Variants in CTNNA2 observed in about 807,000 individuals in gnomAD.
CTNNA2 encodes the protein catenin alpha 2.
CTNNA2 carries 42 observed loss-of-function variants against 101.0 expected under a neutral mutation model. The observed-to-expected ratio is 0.42, with a 90% confidence interval of 0.32 to 0.54. The LOEUF (loss-of-function observed/expected upper bound fraction) is 0.54. Among genes scored for constraint, CTNNA2 ranks in the 20% least tolerant of loss-of-function variants. The pLI is 0.14. For synonymous variants in CTNNA2, 450 were observed against 456.4 expected, an observed-to-expected ratio of 0.99 and a Z score of 0.18; for missense variants, 871 against 1,223.1, an observed-to-expected ratio of 0.71 and a Z score of 4.29.
At chr2:79,459,743 C>A (rs182447230) in intron 4 of CTNNA2, among the ~76,000 whole-genome samples, 3 of 152,084 alleles carry the variant, frequency 2.0e-5, no homozygotes, top group Non-Finnish European at 4.4e-5. Context: ...AGCATTGGTC[C>A]TTTTGATCAC....
chr2:79,811,117 T>C (rs537461020), intron 3 of CTNNA2, among the ~76,000 whole-genome samples: 8 of 151,602 alleles, frequency 5.3e-5, no homozygotes, highest in African/African-American at 1.9e-4. Flanking sequence ...ACTTCCACAA[T>C]GGTTGAACTA....
At chr2:80,542,821 A>C (rs78256155) in intron 9 of CTNNA2, among the ~76,000 whole-genome samples, 9,291 of 152,214 alleles carry the variant, frequency 0.061, 404 homozygotes, top group East Asian at 0.2. Flanking sequence ...GAATATTAAA[A>C]GGTAGAACTT....
intron 9 of CTNNA2, among the ~76,000 whole-genome samples, chr2:80,512,452 A>G (rs1031206993): frequency 2.0e-5 from 3 of 152,100 alleles, no homozygotes; most frequent in African/African-American, 7.2e-5. Context: ...AAACGTTCAG[A>G]CTATGTTGCT....
rs113745404 is a variant in CTNNA2 at position 79,276,788 on chromosome 2, T to C, written c.-405-35921T>C. On this transcript the variant is annotated intron_variant, in intron 2 of 21. Transcript: ENST00000466387. ...TATTTTAAAAAAAATTGTCCCCTTG[T>C]ATTTATGGTCCACCTGTGTTTCCTT... Among the ~76,000 whole-genome samples the C allele has an allele frequency of 5.7e-3, 871 of 152,254 alleles. 5 individuals are homozygous for C. The highest frequency in any genetic ancestry group is 0.02 in the African/African-American group (827 of 41,576).
intron 7 of CTNNA2, among the ~76,000 whole-genome samples, chr2:80,156,025 G>A (rs551565822): frequency 5.9e-5 from 9 of 152,194 alleles, no homozygotes; most frequent in African/African-American, 2.2e-4. Flanking sequence ...TTCTGATTCA[G>A]TAGGTTGTAG....
chr2:79,252,653 CT>C (rs111758773), intron 2 of CTNNA2, among the ~76,000 whole-genome samples: 2,822 of 150,670 alleles, frequency 0.019, 73 homozygotes, highest in East Asian at 0.061. Context: ...TGGGCTATGC[CT>C]TTTTTTTTAT....
At chr2:79,465,146 G>A (rs1174771205) in intron 4 of CTNNA2, among the ~76,000 whole-genome samples, 1 of 152,130 alleles carries the variant, frequency 6.6e-6, no homozygotes, top group East Asian at 1.9e-4. Flanking sequence ...AATCCATCTT[G>A]AATTAATTTT....
At chr2:79,448,972 G>A (rs142735695) in intron 4 of CTNNA2, among the ~76,000 whole-genome samples, 4 of 152,062 alleles carry the variant, frequency 2.6e-5, no homozygotes, top group South Asian at 2.1e-4. Flanking sequence ...CAGAAAATGC[G>A]CATTTGACTC....
chr2:80,420,778 G>C (rs935039307), intron 9 of CTNNA2, among the ~76,000 whole-genome samples: 3 of 152,142 alleles, frequency 2.0e-5, no homozygotes, highest in Non-Finnish European at 4.4e-5. Flanking sequence ...TCAAGCCTCT[G>C]CTTCTCTAGG....
intron 3 of CTNNA2, among the ~76,000 whole-genome samples, chr2:79,825,018 C>T (rs1311006290): frequency 1.3e-5 from 2 of 151,988 alleles, no homozygotes; most frequent in African/African-American, 4.8e-5. Context: ...AGCGAGACCC[C>T]ATATCTGCAA....
At chr2:79,857,433 T>G (rs965162947) in intron 3 of CTNNA2, among the ~76,000 whole-genome samples, 6 of 152,374 alleles carry the variant, frequency 3.9e-5, no homozygotes, top group Middle Eastern at 3.4e-3. Context: ...AGTGTGTGTT[T>G]AGTAAACATT....
intron 4 of CTNNA2, among the ~76,000 whole-genome samples, chr2:79,480,129 G>C (rs1291070170): frequency 6.6e-6 from 1 of 151,952 alleles, no homozygotes; most frequent in Admixed American, 6.6e-5. Flanking sequence ...GAGAGAGAAG[G>C]GGGAGGTCCC....
chr2:79,356,852 A>G (rs1260891241), intron 3 of CTNNA2, among the ~76,000 whole-genome samples: 2 of 152,222 alleles, frequency 1.3e-5, no homozygotes, highest in East Asian at 3.8e-4. Flanking sequence ...TTAAAAACCA[A>G]CAATAGAATT....
chr2:80,618,344 C>G (rs1262731044), intron 17 of CTNNA2, among the ~76,000 whole-genome samples: 2 of 151,748 alleles, frequency 1.3e-5, no homozygotes, highest in African/African-American at 4.8e-5. Flanking sequence ...AAGATGAACT[C>G]TAACTACTCC....
At chr2:80,140,049 A>G (rs948041915) in intron 7 of CTNNA2, among the ~76,000 whole-genome samples, 3 of 152,148 alleles carry the variant, frequency 2.0e-5, no homozygotes, top group Non-Finnish European at 4.4e-5. Context: ...TTTAAGACAT[A>G]TTTCCTTTAT....
chr2:79,248,011 G>A (rs1263354943), intron 2 of CTNNA2, among the ~76,000 whole-genome samples: 1 of 152,160 alleles, frequency 6.6e-6, no homozygotes, highest in Admixed American at 6.5e-5. Context: ...GTTGTTTTAA[G>A]CCTCCAAATT....
At chr2:79,211,072 A>G (rs1674166155) in intron 2 of CTNNA2, among the ~76,000 whole-genome samples, 1 of 152,234 alleles carries the variant, frequency 6.6e-6, no homozygotes, top group African/African-American at 2.4e-5. Context: ...GAGAGCATAT[A>G]AATCAATTTC....
At chr2:79,206,625 T>G (rs910158544) in intron 2 of CTNNA2, among the ~76,000 whole-genome samples, 10 of 152,154 alleles carry the variant, frequency 6.6e-5, no homozygotes, top group Admixed American at 1.3e-4. Flanking sequence ...CCATGATACA[T>G]CCCCAGCTTC....
intron 9 of CTNNA2, among the ~76,000 whole-genome samples, chr2:80,518,778 A>G (rs1311013989): frequency 1.3e-5 from 2 of 152,148 alleles, no homozygotes; most frequent in Non-Finnish European, 2.9e-5. Context: ...GGAATCTGTA[A>G]GCTTCTTTTT....
Sources: allele counts gnomAD v4.1 joint callset (sites outside exome capture counted in the v4.1 genomes callset), GRCh38; gene constraint gnomAD v4.1.1; transcripts MANE v1.5; gene names NCBI Gene and HGNC (gene_info 2026-07-23, HGNC 2026-07-21).